The following JADE2 variants were observed in gnomAD, a reference collection of about 807,000 sequenced individuals.
JADE2 encodes E3 ubiquitin-protein ligase Jade-2.
A neutral mutation model predicts 85.7 loss-of-function variants in JADE2; 13 were observed. The observed-to-expected ratio is 0.15, with a 90% CI of 0.10 to 0.24. The LOEUF is 0.24. Among genes scored for constraint, JADE2 ranks in the 10% least tolerant of loss-of-function variants. The pLI, the probability that JADE2 is intolerant of heterozygous loss-of-function variation, is 1.00. For missense variants in JADE2, 846 were observed against 1,115.9 expected, an observed-to-expected ratio of 0.76 and a Z score of 3.45; for synonymous variants, 440 against 456.1, an observed-to-expected ratio of 0.96 and a Z score of 0.45.
At chr5:134,527,800 G>C (rs1400311317) in intron 1 of JADE2, among the ~76,000 whole-genome samples, 1 of 152,208 alleles carries the variant, frequency 6.6e-6, no homozygotes, top group Non-Finnish European at 1.5e-5. Flanking sequence ...TACCAGCTTG[G>C]CTGCTGGCCT....
rs1300129869 is a variant in JADE2, at chr5:134,579,345, G to C, written c.*28G>C. On this transcript the variant is annotated 3_prime_UTR_variant, in exon 12 of 12. Transcript: ENST00000681547. This position sits in a 1 kb window ranked among gnomAD's most constrained non-coding sequence, Gnocchi z 4.6. ...CACCCCCTTCCCTGTCCCAGGCCCT[G>C]CCCTGGTCCCCCCACAAGGCCTCAG... The C allele has an allele frequency of 6.6e-7, 1 of 1,510,770 alleles. No individual in the cohort carries two copies. Among genetic ancestry groups the C allele is most frequent in the Admixed American group, 2.0e-5 (1 of 50,108 alleles). 93.6% of individuals were successfully genotyped at this position (1,510,770 alleles called of 1,614,324 possible). A position where few individuals can be genotyped will look rare whatever the true frequency, so the allele number is the denominator to read the frequency against.
chr5:134,567,524 A>G (rs1763719887), intron 9 of JADE2, among the ~76,000 whole-genome samples: 1 of 152,110 alleles, frequency 6.6e-6, no homozygotes, highest in Non-Finnish European at 1.5e-5. Context: ...ACCGTGTCAC[A>G]GTGTCTCCCC....
At chr5:134,564,399 A>T in intron 7 of JADE2, 95 bp from the exon 8 acceptor site, 1 of 742,864 alleles carries the variant, frequency 1.3e-6, no homozygotes, top group Non-Finnish European at 2.2e-6. Context: ...CTGTCTGCCC[A>T]CCACCTAGTT....
chr5:134,561,244 A>G (rs543218358), intron 6 of JADE2, among the ~76,000 whole-genome samples: 2 of 152,260 alleles, frequency 1.3e-5, no homozygotes, highest in Admixed American at 6.5e-5. Flanking sequence ...TCTGCTCCTC[A>G]TGTCCTGAAT....
chr5:134,556,970 C>A (rs1762987045), intron 4 of JADE2, among the ~76,000 whole-genome samples: 1 of 145,230 alleles, frequency 6.9e-6, no homozygotes, highest in African/African-American at 2.5e-5. Flanking sequence ...ACACCTCACA[C>A]ATCACACAAA....
chr5:134,560,271 G>A (rs1763244625), intron 5 of JADE2, among the ~76,000 whole-genome samples: 2 of 152,146 alleles, frequency 1.3e-5, no homozygotes, highest in Non-Finnish European at 2.9e-5. Flanking sequence ...TGAGCATGCA[G>A]GGGAGGCTAG....
At chr5:134,534,866 T>TC (rs374366925) in intron 1 of JADE2, among the ~76,000 whole-genome samples, 64 of 152,260 alleles carry the variant, frequency 4.2e-4, no homozygotes, top group African/African-American at 1.4e-3. Flanking sequence ...CCTGCTGTGC[T>TC]CCCCTCCAAG....
intron 9 of JADE2, among the ~76,000 whole-genome samples, chr5:134,569,704 A>G (rs1763874693): frequency 6.6e-6 from 1 of 152,100 alleles, no homozygotes; most frequent in Non-Finnish European, 1.5e-5. Flanking sequence ...TGCCCAGAGG[A>G]TGATATGGGA....
intron 11 of JADE2, among the ~76,000 whole-genome samples, chr5:134,577,834 A>T (rs1764475677): frequency 6.6e-6 from 1 of 152,118 alleles, no homozygotes; most frequent in African/African-American, 2.4e-5. Context: ...CTGGCGTCTC[A>T]CTTGCCTCCC....
Position 134,582,474 on chromosome 5 carries a change from C to G in JADE2, c.*3157C>G, listed in dbSNP as rs552360618. Reference sequence around the variant, plus strand: ...GACAATTCCTAGAGATTCAACTGCCCAATTCTAACCAACATTGGCAGCGGC... The same window carrying G: ...GACAATTCCTAGAGATTCAACTGCCGAATTCTAACCAACATTGGCAGCGGC... On this transcript the variant is annotated 3_prime_UTR_variant, in exon 12 of 12. Coordinates refer to ENST00000681547, the MANE Select transcript of JADE2 (RefSeq NM_001388185.1). 6.6e-6 allele frequency: 1 copy of G among 152,378 alleles called. No homozygotes were observed. Among genetic ancestry groups the G allele is most frequent in the African/African-American group, 2.4e-5 (1 of 41,592 alleles). 9.4% of individuals were successfully genotyped at this position (152,378 alleles called of 1,614,324 possible). A position where few individuals can be genotyped will look rare whatever the true frequency, so the allele number is the denominator to read the frequency against.
chr5:134,578,679 T>C lies in JADE2; in HGVS notation c.1867T>C (p.Phe623Leu), dbSNP rs1764534153. Residue 623 changes from phenylalanine (F) to leucine (L), a missense_variant, in exon 12 of 12, where the codon TTC becomes CTC. Phe to Leu is a conservative substitution (Grantham distance 22). Transcript: ENST00000681547. This position sits in a 1 kb window ranked among gnomAD's most constrained non-coding sequence, Gnocchi z 4.4. Reference protein sequence around the residue: ...LLQDEETLLSFMRDPSLRPGD... With the variant: ...LLQDEETLLSLMRDPSLRPGD... ...GCAGGACGAGGAGACACTGCTCAGCTTCATGCGGGACCCCTCGCTGCGACC... is the reference window on the plus strand; with the variant it reads ...GCAGGACGAGGAGACACTGCTCAGCCTCATGCGGGACCCCTCGCTGCGACC... 1 of 1,613,812 alleles carries C rather than the reference T, an allele frequency of 6.2e-7. No homozygotes were observed. The highest frequency in any genetic ancestry group is 1.3e-5 in the African/African-American group (1 of 74,900).
chr5:134,553,856 G>T (rs993704839), intron 4 of JADE2, among the ~76,000 whole-genome samples: 6 of 152,226 alleles, frequency 3.9e-5, no homozygotes, highest in Non-Finnish European at 7.3e-5. Flanking sequence ...GGCCGCTCTT[G>T]TCAGGAGGAG....
intron 1 of JADE2, chr5:134,526,409 G>A (rs565240865): frequency 1.0e-6 from 1 of 985,300 alleles, no homozygotes; most frequent in East Asian, 1.1e-4. Flanking sequence ...CCGGGCGTAG[G>A]GGCTGCGGCG....
Position 134,560,867 on chromosome 5 carries a change from G to T in JADE2, c.594G>T (p.Glu198Asp). Residue 198 changes from glutamate to aspartate, a missense_variant, in exon 6 of 12, where the codon GAG (glutamate) becomes GAT (aspartate). Around this residue, in one of 9 missense-constraint regions of JADE2, gnomAD observed 129 missense variants for 255.4 expected, o/e 0.51. Transcript: ENST00000681547. ...TQEGLGIEYD[E>D]DVVCDVCRSP... ...AGGGGCTGGGCATCGAGTACGACGA[G>T]GATGTTGTCTGCGACGTGTGTCGCT... The T allele has an allele frequency of 6.2e-7, 1 of 1,614,240 alleles. No individual in the cohort carries two copies. The highest frequency in any genetic ancestry group is 8.5e-7 in the Non-Finnish European group (1 of 1,180,044).
chr5:134,577,540 G>A (rs1764451243), intron 11 of JADE2, among the ~76,000 whole-genome samples: 1 of 152,144 alleles, frequency 6.6e-6, no homozygotes, highest in African/African-American at 2.4e-5. Flanking sequence ...TCAAGAAGGG[G>A]ACAACCCAGG....
chr5:134,577,798 G>A (rs1188170073), intron 11 of JADE2, among the ~76,000 whole-genome samples: 1 of 152,166 alleles, frequency 6.6e-6, no homozygotes, highest in Non-Finnish European at 1.5e-5. Context: ...CGGTAAGGAA[G>A]GAAGGCTCTG....
At chr5:134,535,979 C>T (rs1761560368) in intron 2 of JADE2, 64 bp downstream of exon 2, 1 of 1,389,878 alleles carries the variant, frequency 7.2e-7, no homozygotes, top group Non-Finnish European at 1.0e-6. Context: ...GCCCACAGGC[C>T]CAGATGGGAG....
chr5:134,579,912 C>T lies in JADE2; in HGVS notation c.*595C>T, dbSNP rs1764615698. On this transcript the variant is annotated 3_prime_UTR_variant, in exon 12 of 12. Transcript: ENST00000681547. This position sits in a 1 kb window ranked among gnomAD's most constrained non-coding sequence, Gnocchi z 4.6. ...GGAACTGAAAGCTGTTCCTGATCAGCCCGTATCATCTGAGGCCTGCCTGCC... is the reference window on the plus strand; with the variant it reads ...GGAACTGAAAGCTGTTCCTGATCAGTCCGTATCATCTGAGGCCTGCCTGCC... The T allele has an allele frequency of 6.5e-6, 1 of 153,232 alleles. No homozygotes were observed. Among genetic ancestry groups the T allele is most frequent in the African/African-American group, 2.4e-5 (1 of 41,448 alleles). 9.5% of individuals were successfully genotyped at this position (153,232 alleles called of 1,614,324 possible).
At chr5:134,557,454 T>C (rs1012950209) in intron 4 of JADE2, among the ~76,000 whole-genome samples, 1 of 138,482 alleles carries the variant, frequency 7.2e-6, no homozygotes, top group African/African-American at 2.7e-5. Flanking sequence ...TATGTATACA[T>C]GTGCCATGCT....
Sources: allele counts gnomAD v4.1 joint callset (sites outside exome capture counted in the v4.1 genomes callset), GRCh38; gene constraint gnomAD v4.1.1; regional missense constraint gnomAD v4.1.1; non-coding constraint Gnocchi (gnomAD v3.1); transcripts MANE v1.5; gene names NCBI Gene and HGNC (gene_info 2026-07-23, HGNC 2026-07-21).